The following LDAH variants were observed in gnomAD, a reference collection of about 807,000 sequenced individuals.
LDAH encodes lipid droplet associated hydrolase.
LDAH carries 26 observed loss-of-function variants against 29.6 expected under a neutral mutation model. The ratio of observed to expected loss-of-function variants is 0.88; its 90% CI spans 0.64 to 1.22. LDAH has a LOEUF of 1.22. Among genes scored for constraint, LDAH ranks in the 50% most tolerant of loss-of-function variants. LDAH has a pLI of 0.00. For missense variants in LDAH, 344 were observed against 387.3 expected, an observed-to-expected ratio of 0.89 and a Z score of 0.94; for synonymous variants, 117 against 133.0, an observed-to-expected ratio of 0.88 and a Z score of 0.83.
intron 6 of LDAH, among the ~76,000 whole-genome samples, chr2:20,696,155 G>A (rs911374291): frequency 6.6e-6 from 1 of 152,228 alleles, no homozygotes. Flanking sequence ...GAGGCTTGGC[G>A]GAAAGGCAGG....
intron 5 of LDAH, among the ~76,000 whole-genome samples, chr2:20,738,473 A>G (rs980773279): frequency 2.6e-5 from 4 of 151,938 alleles, no homozygotes; most frequent in Non-Finnish European, 4.4e-5. Context: ...TTACTTACTT[A>G]ATAAACTTGC....
chr2:20,798,078 TGCCCTCCATTAAC>T (rs1671426722), intron 2 of LDAH, among the ~76,000 whole-genome samples: 1 of 152,204 alleles, frequency 6.6e-6, no homozygotes. Flanking sequence ...CAATGATTAA[TGCCCTCCATTAAC>T]GCCCTCCATT....
chr2:20,705,748 T>C (rs985194861), intron 5 of LDAH, among the ~76,000 whole-genome samples: 5 of 152,218 alleles, frequency 3.3e-5, no homozygotes, highest in African/African-American at 9.6e-5. Context: ...GCAGAAATTA[T>C]ATGAGTAGAA....
intron 1 of LDAH, among the ~76,000 whole-genome samples, chr2:20,802,058 C>T (rs1022766300): frequency 1.3e-5 from 2 of 151,228 alleles, no homozygotes; most frequent in Admixed American, 6.6e-5. Flanking sequence ...TATCTATATA[C>T]ACACACAATA....
At chr2:20,779,871 T>C (rs2125037593) in intron 3 of LDAH, among the ~76,000 whole-genome samples, 1 of 152,314 alleles carries the variant, frequency 6.6e-6, no homozygotes, top group South Asian at 2.1e-4. Flanking sequence ...AAAATCACCA[T>C]TGATTTCTTT....
chr2:20,759,310 C>A (rs142146934), intron 4 of LDAH, among the ~76,000 whole-genome samples: 3 of 152,246 alleles, frequency 2.0e-5, no homozygotes, highest in African/African-American at 7.2e-5. Flanking sequence ...TTTTATGTAT[C>A]AATACACCTT....
In LDAH at chr2:20,690,683, T is replaced by C. The variant is rs1558377917; in HGVS notation, c.787-3589A>G. 4.6e-5 allele frequency among the ~76,000 whole-genome samples: 7 copies of C among 151,972 alleles called. No homozygotes were observed. In the East Asian group the frequency reaches 7.7e-4, roughly 17 times the overall value. On this transcript the variant is annotated intron_variant, in intron 6 of 6. Coordinates refer to ENST00000237822, the MANE Select transcript of LDAH (RefSeq NM_021925.4). ...AAATGAGAAAGTATGGAGTGTGTGG[T>C]GGCACTGGCGGGGGATGGGGGAGGA...
At chr2:20,774,696 T>G in intron 4 of LDAH, 114 bp downstream of exon 4, 1 of 1,028,624 alleles carries the variant, frequency 9.7e-7, no homozygotes. Flanking sequence ...CAAATATCCC[T>G]CTCTCTGTTC....
chr2:20,707,392 C>T (rs548880528), intron 5 of LDAH, among the ~76,000 whole-genome samples: 43 of 152,332 alleles, frequency 2.8e-4, no homozygotes, highest in African/African-American at 7.5e-4. Context: ...GTGTGCAATG[C>T]CCCCTCCTTT....
intron 4 of LDAH, among the ~76,000 whole-genome samples, chr2:20,771,201 T>C (rs1572594009): frequency 6.6e-6 from 1 of 152,194 alleles, no homozygotes; most frequent in South Asian, 2.1e-4. Flanking sequence ...ATATCTGACA[T>C]ATACAATAAG....
intron 5 of LDAH, among the ~76,000 whole-genome samples, chr2:20,722,253 A>G (rs1665700735): frequency 6.6e-6 from 1 of 152,010 alleles, no homozygotes; most frequent in Non-Finnish European, 1.5e-5. Context: ...GTGCGCCTGC[A>G]ATCCTGGCTA....
chr2:20,710,996 T>G (rs558497336), intron 5 of LDAH, among the ~76,000 whole-genome samples: 34 of 152,082 alleles, frequency 2.2e-4, no homozygotes, highest in African/African-American at 6.0e-4. Context: ...CTGAGTTTTC[T>G]CTGGTTGGTT....
At chr2:20,755,650 C>T (rs1668292058) in intron 4 of LDAH, among the ~76,000 whole-genome samples, 1 of 152,136 alleles carries the variant, frequency 6.6e-6, no homozygotes, top group Non-Finnish European at 1.5e-5. Flanking sequence ...TTCTCCATAA[C>T]CCCATCATGG....
chr2:20,774,153 GA>G (rs746380350), intron 4 of LDAH, among the ~76,000 whole-genome samples: 1 of 152,070 alleles, frequency 6.6e-6, no homozygotes, highest in Admixed American at 6.5e-5. Flanking sequence ...ATATGCTAGT[GA>G]AAGTACAATT....
At chr2:20,754,774 T>C (rs977557655) in intron 4 of LDAH, among the ~76,000 whole-genome samples, 1 of 152,154 alleles carries the variant, frequency 6.6e-6, no homozygotes, top group African/African-American at 2.4e-5. Flanking sequence ...AGGAATTATA[T>C]TCTTCAAAAT....
intron 5 of LDAH, among the ~76,000 whole-genome samples, chr2:20,710,351 G>T (rs1664626061): frequency 6.6e-6 from 1 of 151,906 alleles, no homozygotes; most frequent in South Asian, 2.1e-4. Flanking sequence ...GACAAAGTCT[G>T]CACAAAGACA....
chr2:20,711,728 G>A (rs1187302259), intron 5 of LDAH, among the ~76,000 whole-genome samples: 1 of 152,262 alleles, frequency 6.6e-6, no homozygotes, highest in Non-Finnish European at 1.5e-5. Context: ...CCCACCAGAA[G>A]ATTACATCCT....
In LDAH at chr2:20,798,498, C is replaced by T. The variant is rs1268272486; in HGVS notation, c.154+2812G>A. Among the ~76,000 whole-genome samples, 5 of 151,478 alleles carry T rather than the reference C, an allele frequency of 3.3e-5. 1 individual carries two copies. In the East Asian group the frequency reaches 5.8e-4, roughly 18 times the overall value. On this transcript the variant is annotated intron_variant, in intron 2 of 6. Coordinates refer to ENST00000237822, the MANE Select transcript of LDAH (RefSeq NM_021925.4). ...CAGAACATCATTAACCCAGGGAAAA[C>T]AAACAAAAATATATAAGAAAGGAAA... is the stretch of plus-strand genomic sequence containing the variant.
At chr2:20,734,668 C>A (rs1248277977) in intron 5 of LDAH, among the ~76,000 whole-genome samples, 1 of 152,114 alleles carries the variant, frequency 6.6e-6, no homozygotes, top group Non-Finnish European at 1.5e-5. Context: ...AACTGTTAAA[C>A]ATAATTTAGA....
Sources: allele counts gnomAD v4.1 joint callset (sites outside exome capture counted in the v4.1 genomes callset), GRCh38; gene constraint gnomAD v4.1.1; transcripts MANE v1.5; gene names NCBI Gene and HGNC (gene_info 2026-07-23, HGNC 2026-07-21).